Variants in HDAC9 observed in about 807,000 individuals in gnomAD.
HDAC9 encodes histone deacetylase 9, also known as MEF-2 interacting transcription repressor (MITR) protein.
HDAC9 carries 41 observed loss-of-function variants against 139.4 expected under a neutral mutation model. The ratio of observed to expected loss-of-function variants is 0.29; its 90% CI spans 0.23 to 0.38. The LOEUF (loss-of-function observed/expected upper bound fraction) is 0.38. Among genes scored for constraint, HDAC9 ranks in the 10% least tolerant of loss-of-function variants. The pLI is 1.00. For missense variants in HDAC9, 1,147 were observed against 1,297.0 expected, an observed-to-expected ratio of 0.88 and a Z score of 1.78; for synonymous variants, 517 against 476.2, an observed-to-expected ratio of 1.09 and a Z score of -1.12.
intron 21 of HDAC9, among the ~76,000 whole-genome samples, chr7:18,852,610 G>T (rs570058660): frequency 2.0e-5 from 3 of 152,132 alleles, no homozygotes; most frequent in African/African-American, 7.2e-5. Context: ...GGTACATATA[G>T]TCCTAACACC....
upstream of HDAC9, among the ~76,000 whole-genome samples, chr7:18,490,914 T>G (rs1796316270): frequency 6.6e-6 from 1 of 152,022 alleles, no homozygotes; most frequent in Non-Finnish European, 1.5e-5. Context: ...ACTACAATTG[T>G]AGAGCACAAA....
chr7:18,831,884 G>C (rs942155224), intron 19 of HDAC9, among the ~76,000 whole-genome samples: 2 of 152,096 alleles, frequency 1.3e-5, no homozygotes, highest in Non-Finnish European at 2.9e-5. Context: ...AAATTACAGC[G>C]CCAATAGATG....
At chr7:18,712,478 A>G (rs542316521) in intron 12 of HDAC9, among the ~76,000 whole-genome samples, 24 of 152,370 alleles carry the variant, frequency 1.6e-4, no homozygotes, top group Non-Finnish European at 1.0e-4. Flanking sequence ...ATAGCTACTA[A>G]TAACTAAAAG....
At chr7:18,368,843 G>A (rs1042283639) in intron 1 of HDAC9, among the ~76,000 whole-genome samples, 44 of 152,046 alleles carry the variant, frequency 2.9e-4, no homozygotes, top group African/African-American at 8.7e-4. Flanking sequence ...GAAGGAACAG[G>A]GGTTGTAACT....
intron 17 of HDAC9, among the ~76,000 whole-genome samples, chr7:18,821,172 T>G (rs1794940292): frequency 6.6e-6 from 1 of 152,232 alleles, no homozygotes; most frequent in Non-Finnish European, 1.5e-5. Context: ...TATAATGGCC[T>G]TATCCGATTT....
chr7:18,699,342 G>A (rs1164300742), intron 12 of HDAC9, among the ~76,000 whole-genome samples: 2 of 151,996 alleles, frequency 1.3e-5, no homozygotes, highest in Admixed American at 1.3e-4. Context: ...AGCAGTGTGG[G>A]CAGGGGAGTC....
At chr7:18,159,635 A>G (rs1315186363) in intron 1 of HDAC9, among the ~76,000 whole-genome samples, 1 of 152,206 alleles carries the variant, frequency 6.6e-6, no homozygotes, top group Non-Finnish European at 1.5e-5. Flanking sequence ...GCAGATCCAT[A>G]TCCCTGAAAC....
At chr7:18,247,391 G>A (rs1230753664) in intron 2 of HDAC9, among the ~76,000 whole-genome samples, 1 of 152,014 alleles carries the variant, frequency 6.6e-6, no homozygotes, top group East Asian at 1.9e-4. Flanking sequence ...TCATGGGTGT[G>A]TAGTGTTTTG....
At chr7:18,731,869 G>A (rs1458535458) in intron 13 of HDAC9, among the ~76,000 whole-genome samples, 1 of 151,794 alleles carries the variant, frequency 6.6e-6, no homozygotes, top group South Asian at 2.1e-4. Context: ...CAGGTGATCC[G>A]CCCATTTCGG....
chr7:18,332,392 T>TGA (rs761758884), intron 1 of HDAC9, among the ~76,000 whole-genome samples: 106 of 90,550 alleles, frequency 1.2e-3, no homozygotes, highest in African/African-American at 3.5e-3. Flanking sequence ...TGTGTGTGTG[T>TGA]GAGAGAGAGA....
In HDAC9 at chr7:18,562,597, A is replaced by G. The variant is rs926200851; in HGVS notation, c.23-22684A>G. 3.9e-5 allele frequency among the ~76,000 whole-genome samples: 6 copies of G among 152,142 alleles called. No homozygotes were observed. The East Asian group carries it at 7.7e-4, about 19-fold the overall frequency. ...GGTTTCTTTCTGGATTCTAATTTCT[A>G]TACCATTCATCTGTACATCTGTCCT... On this transcript the variant is annotated intron_variant, in intron 2 of 25. Transcript: ENST00000686413.
Position 18,103,656 on chromosome 7 carries a change from A to T in HDAC9, c.-97+16443A>T, listed in dbSNP as rs539931691. On this transcript the variant is annotated intron_variant, in intron 1 of 12. Transcript: ENST00000417496. ...ATGCAGTAAGTCCTCACTTATCGTT[A>T]TGGATAGGTTCTTGGAATCTGCGAC... 6.6e-5 allele frequency among the ~76,000 whole-genome samples: 10 copies of T among 152,244 alleles called. No homozygotes were observed. In the East Asian group the frequency reaches 1.5e-3, roughly 24 times the overall value.
At chr7:18,646,623 T>A (rs1047549594) in intron 9 of HDAC9, among the ~76,000 whole-genome samples, 2 of 152,170 alleles carry the variant, frequency 1.3e-5, no homozygotes, top group Non-Finnish European at 2.9e-5. Flanking sequence ...TACCTCTTTG[T>A]CCTTCAGTTT....
At chr7:18,978,284 AG>A (rs1387872297) in intron 25 of HDAC9, among the ~76,000 whole-genome samples, 1 of 152,170 alleles carries the variant, frequency 6.6e-6, no homozygotes, top group Non-Finnish European at 1.5e-5. Context: ...TGGGTAAAGC[AG>A]CTCTTTTCCT....
intron 19 of HDAC9, among the ~76,000 whole-genome samples, chr7:18,833,645 T>C (rs1796016854): frequency 6.6e-6 from 1 of 152,206 alleles, no homozygotes; most frequent in Non-Finnish European, 1.5e-5. Flanking sequence ...AATCCAGGAA[T>C]TGATATAATT....
intron 2 of HDAC9, among the ~76,000 whole-genome samples, chr7:18,503,826 C>T (rs563902616): frequency 6.6e-6 from 1 of 152,208 alleles, no homozygotes; most frequent in South Asian, 2.1e-4. Flanking sequence ...CCAGTTGCAG[C>T]CATGTGGATG....
chr7:18,144,925 T>C (rs1786185431), intron 1 of HDAC9, among the ~76,000 whole-genome samples: 1 of 152,226 alleles, frequency 6.6e-6, no homozygotes, highest in Non-Finnish European at 1.5e-5. Flanking sequence ...TACTGTATGT[T>C]TATTGTAAAA....
At chr7:18,706,160 C>CCTTTT (rs1783892263) in intron 12 of HDAC9, among the ~76,000 whole-genome samples, 4 of 86,750 alleles carry the variant, frequency 4.6e-5, no homozygotes, top group African/African-American at 4.2e-5. Flanking sequence ...GAAAGTTTTC[C>CCTTTT]TTTTTTTTTT....
At position 18,786,748 on chromosome 7, in the gene HDAC9, T is replaced by TCTTG. The variant is rs1433746591; in HGVS notation, c.2215-6596_2215-6595insTTGC. 2.9e-4 allele frequency among the ~76,000 whole-genome samples: 39 copies of TCTTG among 135,920 alleles called. 4 individuals are homozygous for TCTTG. The highest frequency in any genetic ancestry group is 1.1e-3 in the African/African-American group (36 of 31,656). 89.2% of individuals were successfully genotyped at this position (135,920 alleles called of 152,430 possible). ...TGCGCCTCTTGAGTCTAGCTTTCTTTCCTTCCTTTTCTTTTTTCTCTCTTT... is the reference window on the plus strand; with the variant it reads ...TGCGCCTCTTGAGTCTAGCTTTCTTTCTTGCCTTCCTTTTCTTTTTTCTCTCTTT... On this transcript the variant is annotated intron_variant, in intron 16 of 25. Transcript: ENST00000686413.
Sources: gnomAD v4.1 joint callset for allele counts (sites outside exome capture counted in the v4.1 genomes callset) on GRCh38, gnomAD v4.1.1 for gene constraint, MANE v1.5 for transcripts, NCBI Gene and HGNC (gene_info 2026-07-23, HGNC 2026-07-21) for gene names.